CALCOCO2: variants seen among roughly 807,000 people sequenced by gnomAD.
CALCOCO2 encodes the protein calcium binding and coiled-coil domain 2, also known as calcium-binding and coiled-coil domain-containing protein 2.
Under a neutral mutation model 62.5 loss-of-function variants are expected in CALCOCO2, and 42 were observed. The ratio of observed to expected loss-of-function variants is 0.67; its 90% confidence interval spans 0.53 to 0.87. The LOEUF is 0.87. Ranked by LOEUF, CALCOCO2 falls within the 40% of genes least tolerant of loss-of-function variation. The probability of loss-of-function intolerance (pLI) is 0.00; values close to 1 mark genes in which losing one functional copy is unlikely to be tolerated. For missense variants in CALCOCO2, 456 were observed against 515.0 expected (o/e 0.89, Z 1.11); for synonymous variants, 167 against 173.0 (o/e 0.97, Z 0.27).
intron 2 of CALCOCO2, chr17:48,842,105 C>A: frequency 1.4e-4 from 39 of 288,568 alleles, no homozygotes; most frequent in Non-Finnish European, 1.7e-4. Flanking sequence ...GATGGCAAAT[C>A]ATATAATCCT....
At chr17:48,859,438 C>T (rs1370165420) in intron 10 of CALCOCO2, among the ~76,000 whole-genome samples, 1 of 151,848 alleles carries the variant, frequency 6.6e-6, no homozygotes, top group Non-Finnish European at 1.5e-5. Context: ...TTCATCTCTA[C>T]AAAAAATTTA....
rs1491128634 is a variant in CALCOCO2 at position 48,854,397 on chromosome 17, T to TATATATATATA, written c.912+1385_912+1386insATATATATATA. On this transcript the variant is annotated intron_variant, in intron 9 of 12. Coordinates refer to ENST00000258947, the MANE Select transcript of CALCOCO2 (RefSeq NM_005831.5). ...TTTCTTTTATTTATATATATATATATTTTTTTTTTTTTTTTTTTTTTTTTT... is the reference window on the plus strand; with the variant it reads ...TTTCTTTTATTTATATATATATATATATATATATATATTTTTTTTTTTTTTTTTTTTTTTTT... Among the ~76,000 whole-genome samples, 5 of 1,750 alleles carry TATATATATATA rather than the reference T, an allele frequency of 2.9e-3. 1 individual carries two copies. Among genetic ancestry groups the TATATATATATA allele is most frequent in the African/African-American group, 3.7e-3 (4 of 1,068 alleles). The allele number at this position is 1,750 out of a possible 152,430, so 1.1% of individuals were successfully genotyped here.
rs8065052 is a variant in CALCOCO2, at chr17:48,849,445, C to A, written c.543+68C>A. 7.0e-4 allele frequency: 958 copies of A among 1,360,734 alleles called. 7 individuals carry two copies. In the African/African-American group the frequency reaches 0.012, roughly 17 times the overall value. The allele number at this position is 1,360,734 out of a possible 1,614,324, so 84.3% of individuals were successfully genotyped here. Reference sequence around the variant, plus strand: ...GAATTGGATGGTGCCTCTTATCCAGCACCATATTCTGTTTTGCCTGTGATC... The same window carrying A: ...GAATTGGATGGTGCCTCTTATCCAGAACCATATTCTGTTTTGCCTGTGATC... On this transcript the variant is annotated intron_variant, in intron 5 of 12. Coordinates refer to ENST00000258947, the MANE Select transcript of CALCOCO2 (RefSeq NM_005831.5).
chr17:48,840,140 A>C (rs1272905972), intron 1 of CALCOCO2, among the ~76,000 whole-genome samples: 2 of 151,078 alleles, frequency 1.3e-5, no homozygotes, highest in South Asian at 2.1e-4. Context: ...TGTCATTGTT[A>C]TTGTTTTGAG....
intron 1 of CALCOCO2, among the ~76,000 whole-genome samples, chr17:48,838,035 C>T (rs557161346): frequency 1.1e-4 from 17 of 152,088 alleles, no homozygotes; most frequent in Non-Finnish European, 2.1e-4. Flanking sequence ...ACCGAGTTAA[C>T]GAAGGATGGG....
chr17:48,841,643 C>G (rs992574366), intron 1 of CALCOCO2, 55 bp from the exon 2 acceptor site: 6 of 1,278,318 alleles, frequency 4.7e-6, no homozygotes, highest in Admixed American at 2.5e-5. Flanking sequence ...CCAGAAATCA[C>G]CAACATTTCA....
Position 48,849,418 on chromosome 17 carries a change from C to G in CALCOCO2, c.543+41C>G, listed in dbSNP as rs144451319. The G allele has an allele frequency of 1.9e-6, 3 of 1,584,216 alleles. No homozygotes were observed. The Admixed American group carries it at 5.1e-5, about 27-fold the overall frequency. ...ATAGGTGACCTTGGAGCATGGAGAT[C>G]AGAATTGGATGGTGCCTCTTATCCA... is the stretch of plus-strand genomic sequence containing the variant. On this transcript the variant is annotated intron_variant, in intron 5 of 12. Transcript: ENST00000258947.
At chr17:48,846,061 C>T in intron 2 of CALCOCO2, 5 of 1,486,100 alleles carry the variant, frequency 3.4e-6, no homozygotes, top group Non-Finnish European at 4.5e-6. Context: ...TATTCAACTC[C>T]TCATCACCCC....
chr17:48,855,757 T>C, intron 9 of CALCOCO2: 1 of 163,126 alleles, frequency 6.1e-6, no homozygotes, highest in South Asian at 2.0e-4. Flanking sequence ...CATGGTTAGG[T>C]GGGATTCAAC....
intron 1 of CALCOCO2, among the ~76,000 whole-genome samples, chr17:48,836,039 C>T (rs758284887): frequency 1.3e-5 from 2 of 152,144 alleles, no homozygotes; most frequent in Admixed American, 6.6e-5. Context: ...GTGTGAGCCA[C>T]GGCACACGGC....
intron 1 of CALCOCO2, chr17:48,832,002 G>T (rs947934408): frequency 3.3e-5 from 5 of 152,204 alleles, no homozygotes; most frequent in African/African-American, 9.6e-5. Context: ...GGAATGGAAA[G>T]GGCCTTGAAA....
intron 1 of CALCOCO2, among the ~76,000 whole-genome samples, chr17:48,838,639 G>C (rs1374302807): frequency 2.6e-5 from 4 of 152,036 alleles, no homozygotes; most frequent in African/African-American, 9.7e-5. Flanking sequence ...GCATGAACCT[G>C]GGAGGCAGAG....
chr17:48,841,641 C>G, intron 1 of CALCOCO2, 57 bp from the exon 2 acceptor site: 6 of 1,262,594 alleles, frequency 4.8e-6, no homozygotes, highest in Non-Finnish European at 6.5e-6. Flanking sequence ...GCCCAGAAAT[C>G]ACCAACATTT....
chr17:48,846,467 T>C (rs2040054497), intron 2 of CALCOCO2: 6 of 1,490,954 alleles, frequency 4.0e-6, no homozygotes, highest in South Asian at 2.4e-5. Context: ...CCAAGACAAA[T>C]TGGAACAAGA....
rs2040358986 is a variant in CALCOCO2 at position 48,863,877 on chromosome 17, TC to T, written c.*873del. On this transcript the variant is annotated 3_prime_UTR_variant, in exon 13 of 13. Transcript: ENST00000258947. Reference sequence around the variant, plus strand: ...TTTAAAATAAACCTTCAATTTATGGTCTTCTGTTTTGAAGCTCATGGGAAAA... The same window carrying T: ...TTTAAAATAAACCTTCAATTTATGGTTTCTGTTTTGAAGCTCATGGGAAAA... The T allele has an allele frequency of 6.6e-6, 1 of 152,102 alleles. No homozygotes were observed. Among genetic ancestry groups the T allele is most frequent in the African/African-American group, 2.4e-5 (1 of 41,416 alleles). The allele number at this position is 152,102 out of a possible 1,614,324, so 9.4% of individuals were successfully genotyped here. A position where few individuals can be genotyped will look rare whatever the true frequency, so the allele number is the denominator to read the frequency against.
chr17:48,859,664 T>G (rs778350503), intron 10 of CALCOCO2, among the ~76,000 whole-genome samples: 6 of 152,132 alleles, frequency 3.9e-5, no homozygotes, highest in Admixed American at 6.6e-5. Flanking sequence ...AATATACCTA[T>G]CAGAATAGTT....
chr17:48,848,241 T>C, intron 3 of CALCOCO2, 75 bp downstream of exon 3: 2 of 1,534,190 alleles, frequency 1.3e-6, no homozygotes, highest in Non-Finnish European at 1.8e-6. Context: ...TTGAGCTTTC[T>C]GGGGCAGATA....
Position 48,833,849 on chromosome 17 carries a change from C to A in CALCOCO2, c.-11+2771C>A, listed in dbSNP as rs71377400. On this transcript the variant is annotated intron_variant, in intron 1 of 12. Coordinates refer to ENST00000258947, the MANE Select transcript of CALCOCO2 (RefSeq NM_005831.5). ...TGCAGTTAGAAAGAGCAGAAGTAGG[C>A]TGGGCACGGTAGCTCATGCATGTAA... Among the ~76,000 whole-genome samples, 6 of 152,022 alleles carry A rather than the reference C, an allele frequency of 3.9e-5. No individual in the cohort carries two copies. In the East Asian group the frequency reaches 1.2e-3, roughly 29 times the overall value.
chr17:48,845,407 GTGTGTGTGTGTGTGTA>G (rs1567752584), intron 2 of CALCOCO2, among the ~76,000 whole-genome samples: 14 of 123,772 alleles, frequency 1.1e-4, no homozygotes. Flanking sequence ...GTGTGTGTGT[GTGTGTGTGTGTGTGTA>G]TTGCCTAATT....
Sources: allele counts gnomAD v4.1 joint callset (sites outside exome capture counted in the v4.1 genomes callset), GRCh38; gene constraint gnomAD v4.1.1; transcripts MANE v1.5; gene names NCBI Gene and HGNC (gene_info 2026-07-23, HGNC 2026-07-21).